SH3PXD2B: variants seen among roughly 807,000 people sequenced by gnomAD.
SH3PXD2B encodes the protein SH3 and PX domain-containing protein 2B.
Under a neutral mutation model 73.1 loss-of-function variants are expected in SH3PXD2B, and 37 were observed. The observed-to-expected ratio is 0.51, with a 90% CI of 0.39 to 0.67. The LOEUF is 0.67. Among genes scored for constraint, SH3PXD2B ranks in the 30% least tolerant of loss-of-function variants. SH3PXD2B has a pLI of 0.00. For synonymous variants in SH3PXD2B, 457 were observed against 480.5 expected (o/e 0.95, Z 0.64); for missense variants, 1,053 against 1,197.8 (o/e 0.88, Z 1.78).
intron 2 of SH3PXD2B, among the ~76,000 whole-genome samples, chr5:172,413,177 G>A (rs1369321471): frequency 1.3e-5 from 2 of 152,232 alleles, no homozygotes; most frequent in Non-Finnish European, 2.9e-5. Flanking sequence ...GCCATCATGC[G>A]CAGCTGCAGG....
intron 5 of SH3PXD2B, among the ~76,000 whole-genome samples, chr5:172,377,518 C>T (rs1423142951): frequency 6.6e-6 from 1 of 152,162 alleles, no homozygotes; most frequent in Non-Finnish European, 1.5e-5. Context: ...AAGCACCTGC[C>T]CTGTGCCAGA....
chr5:172,396,851 G>A (rs1160371059), intron 3 of SH3PXD2B, among the ~76,000 whole-genome samples: 3 of 152,118 alleles, frequency 2.0e-5, no homozygotes, highest in African/African-American at 7.2e-5. Flanking sequence ...TGAGGCAGGA[G>A]AATCGCTTGA....
intron 10 of SH3PXD2B, among the ~76,000 whole-genome samples, chr5:172,348,629 TCTATCTATGTATCTATCTATCTATC>T (rs1757052372): frequency 1.3e-5 from 1 of 79,616 alleles, no homozygotes; most frequent in East Asian, 3.6e-4. Flanking sequence ...TATCTATGTA[TCTATCTATGTATCTATCTATCTATC>T]CTATCTATCT....
At chr5:172,378,963 G>C (rs1020012901) in intron 5 of SH3PXD2B, among the ~76,000 whole-genome samples, 2 of 151,620 alleles carry the variant, frequency 1.3e-5, no homozygotes, top group African/African-American at 4.8e-5. Flanking sequence ...CCAGCTACTT[G>C]GGAGGCTGAG....
chr5:172,363,001 A>AGT, intron 6 of SH3PXD2B, 132 bp from the exon 7 acceptor site: 3 of 1,206,222 alleles, frequency 2.5e-6, no homozygotes, highest in Non-Finnish European at 3.6e-6. Flanking sequence ...CTCAAGGGTG[A>AGT]CTTCATCCAT....
In SH3PXD2B at chr5:172,384,588, A is replaced by G. The variant is rs571081110; in HGVS notation, c.310-2461T>C. On this transcript the variant is annotated intron_variant, in intron 4 of 12. Coordinates refer to ENST00000311601, the MANE Select transcript of SH3PXD2B (RefSeq NM_001017995.3). ...GGATTGATGATTCCAGGTAGCTCAT[A>G]TAAGTGGAATCATACAGTGTTTGTC... 3.9e-5 allele frequency among the ~76,000 whole-genome samples: 6 copies of G among 152,226 alleles called. No homozygotes were observed. In the South Asian group the frequency reaches 1.2e-3, roughly 32 times the overall value.
At chr5:172,408,506 C>T (rs551761704) in intron 2 of SH3PXD2B, among the ~76,000 whole-genome samples, 49 of 139,774 alleles carry the variant, frequency 3.5e-4, no homozygotes, top group African/African-American at 1.3e-3. Flanking sequence ...TTAATTACTG[C>T]CTTTCTTTTG....
At chr5:172,390,815 TTG>T (rs56116617) in intron 4 of SH3PXD2B, among the ~76,000 whole-genome samples, 9,131 of 139,906 alleles carry the variant, frequency 0.065, 384 homozygotes, top group South Asian at 0.24. Flanking sequence ...TTCCCGTCTT[TTG>T]TGTGTGTGTG....
chr5:172,401,077 C>T (rs1446076097), intron 3 of SH3PXD2B, among the ~76,000 whole-genome samples: 1 of 152,154 alleles, frequency 6.6e-6, no homozygotes, highest in African/African-American at 2.4e-5. Flanking sequence ...GCCAATTCCA[C>T]CCAAATGTGG....
intron 2 of SH3PXD2B, among the ~76,000 whole-genome samples, chr5:172,411,368 C>G (rs1007225127): frequency 6.6e-6 from 1 of 152,194 alleles, no homozygotes; most frequent in Non-Finnish European, 1.5e-5. Flanking sequence ...ACTGCCTGGT[C>G]TTAAGAAGCT....
At chr5:172,432,923 AAAGGG>A in intron 1 of SH3PXD2B, among the ~76,000 whole-genome samples, 1 of 28,156 alleles carries the variant, frequency 3.6e-5, no homozygotes, top group Non-Finnish European at 8.6e-5. Flanking sequence ...CTCAAAAAAA[AAAGGG>A]GGGGGGGGGG....
chr5:172,440,392 G>A (rs1759529981), intron 1 of SH3PXD2B, among the ~76,000 whole-genome samples: 1 of 152,252 alleles, frequency 6.6e-6, no homozygotes, highest in Admixed American at 6.5e-5. Context: ...CGATGGGGCT[G>A]TGGGCAAGGG....
chr5:172,452,789 G>A (rs1432425441), intron 1 of SH3PXD2B, among the ~76,000 whole-genome samples: 1 of 151,848 alleles, frequency 6.6e-6, no homozygotes, highest in East Asian at 1.9e-4. Context: ...TCACTTACAC[G>A]CTAACAGGCT....
rs962373048 is a variant in SH3PXD2B at position 172,337,869 on chromosome 5, T to C, written c.*500A>G. On this transcript the variant is annotated 3_prime_UTR_variant, in exon 13 of 13. Transcript: ENST00000311601. ...TGGAATGCATTTCTTCAGGATGAAG[T>C]TCCTTCTGGTAGCAGGCAATTTAGG... 69 of 1,007,558 alleles carry C rather than the reference T, an allele frequency of 6.8e-5. No individual in the cohort carries two copies. The highest frequency in any genetic ancestry group is 8.0e-5 in the Non-Finnish European group (67 of 842,730). 62.4% of individuals were successfully genotyped at this position (1,007,558 alleles called of 1,614,324 possible). A position where few individuals can be genotyped will look rare whatever the true frequency, so the allele number is the denominator to read the frequency against.
intron 5 of SH3PXD2B, among the ~76,000 whole-genome samples, chr5:172,379,854 G>T (rs1307316407): frequency 2.0e-5 from 3 of 152,176 alleles, no homozygotes; most frequent in Non-Finnish European, 4.4e-5. Flanking sequence ...GAACCTGGGT[G>T]TACTAGATTC....
chr5:172,335,113 C>G lies in SH3PXD2B; in HGVS notation c.*3256G>C, dbSNP rs1232500139. ...GAGCAGAACATGTGAGCAAAGGCCT[C>G]TTTTATCAAGAGGTGGTCTTAGACT... On this transcript the variant is annotated 3_prime_UTR_variant, in exon 13 of 13. Transcript: ENST00000311601. The G allele has an allele frequency of 2.1e-5, 21 of 986,230 alleles. No homozygotes were observed. Among genetic ancestry groups the G allele is most frequent in the Non-Finnish European group, 2.5e-5 (21 of 830,536 alleles). 61.1% of individuals were successfully genotyped at this position (986,230 alleles called of 1,614,324 possible).
At chr5:172,350,665 C>A in intron 9 of SH3PXD2B, 76 bp from the exon 10 acceptor site, 1 of 1,434,118 alleles carries the variant, frequency 7.0e-7, no homozygotes. Flanking sequence ...TACTGGGAAT[C>A]ACATGACAGG....
chr5:172,354,089 CGGAG>C (rs1757220011), intron 8 of SH3PXD2B, 84 bp from the exon 9 acceptor site: 2 of 1,321,644 alleles, frequency 1.5e-6, no homozygotes, highest in Non-Finnish European at 1.1e-6. Context: ...CCTTGCCCGT[CGGAG>C]GGAGGATTTC....
chr5:172,331,154 C>T (rs573691296), downstream of SH3PXD2B, among the ~76,000 whole-genome samples: 11 of 152,236 alleles, frequency 7.2e-5, no homozygotes, highest in Non-Finnish European at 1.0e-4. Flanking sequence ...ATGACTGCAT[C>T]GCTGCACTCC....
Sources: gnomAD v4.1 joint callset for allele counts (sites outside exome capture counted in the v4.1 genomes callset) on GRCh38, gnomAD v4.1.1 for gene constraint, MANE v1.5 for transcripts, NCBI Gene and HGNC (gene_info 2026-07-23, HGNC 2026-07-21) for gene names.